IL1RAP: variants seen among roughly 807,000 people sequenced by gnomAD.
IL1RAP encodes the protein interleukin-1 receptor accessory protein.
A neutral mutation model predicts 60.7 loss-of-function variants in IL1RAP; 35 were observed. The ratio of observed to expected loss-of-function variants is 0.58; its 90% CI spans 0.44 to 0.76. IL1RAP has a LOEUF of 0.76. Among genes scored for constraint, IL1RAP ranks in the 30% least tolerant of loss-of-function variants. The pLI is 0.00. For missense variants in IL1RAP, 572 were observed against 693.9 expected, an observed-to-expected ratio of 0.82 and a Z score of 1.97; for synonymous variants, 268 against 250.9, an observed-to-expected ratio of 1.07 and a Z score of -0.64.
At chr3:190,532,261 C>CTTTTTT (rs370264409) in intron 1 of IL1RAP, among the ~76,000 whole-genome samples, 3 of 128,282 alleles carry the variant, frequency 2.3e-5, no homozygotes, top group Non-Finnish European at 3.3e-5. Context: ...AATCATCTTT[C>CTTTTTT]TTTTTTTTTT....
chr3:190,608,987 T>C lies in IL1RAP; in HGVS notation c.351-8T>C, dbSNP rs1730595382. Reference sequence around the variant, plus strand: ...TACTACCCATTCATTGTATATTTCTTTTTTCAGGAACACTACATATTGCAG... The same window carrying C: ...TACTACCCATTCATTGTATATTTCTCTTTTCAGGAACACTACATATTGCAG... On this transcript the variant is annotated splice_polypyrimidine_tract_variant and splice_region_variant and intron_variant, in intron 4 of 11. Transcript: ENST00000447382. 6.2e-7 allele frequency: 1 copy of C among 1,609,152 alleles called. No individual in the cohort carries two copies. Among genetic ancestry groups the C allele is most frequent in the Middle Eastern group, 1.7e-4 (1 of 6,030 alleles).
rs573125478 is a variant in IL1RAP, at chr3:190,530,965, T to A, written c.-89+16746T>A. ...CAAGTGGCCACTTAGCCCCGATGATTCAAGAGCTCATTGGTGTTCTATATA... is the reference window on the plus strand; with the variant it reads ...CAAGTGGCCACTTAGCCCCGATGATACAAGAGCTCATTGGTGTTCTATATA... On this transcript the variant is annotated intron_variant, in intron 1 of 11. Coordinates refer to ENST00000447382, the MANE Select transcript of IL1RAP (RefSeq NM_002182.4). Among the ~76,000 whole-genome samples the A allele has an allele frequency of 1.7e-3, 259 of 152,340 alleles. 2 individuals carry two copies. Among genetic ancestry groups the A allele is most frequent in the African/African-American group, 5.8e-3 (240 of 41,570 alleles).
At chr3:190,540,647 A>G in intron 1 of IL1RAP, among the ~76,000 whole-genome samples, 1 of 151,636 alleles carries the variant, frequency 6.6e-6, no homozygotes, top group African/African-American at 2.4e-5. Context: ...TTTTTTTAAT[A>G]TTACTTTAGT....
At chr3:190,560,260 A>G (rs1725771681) in intron 2 of IL1RAP, among the ~76,000 whole-genome samples, 1 of 152,244 alleles carries the variant, frequency 6.6e-6, no homozygotes, top group South Asian at 2.1e-4. Flanking sequence ...GACTCAAGGA[A>G]GTGATTTGAC....
intron 1 of IL1RAP, among the ~76,000 whole-genome samples, chr3:190,548,165 T>C (rs530011720): frequency 3.7e-4 from 57 of 152,344 alleles, no homozygotes; most frequent in African/African-American, 1.4e-4. Context: ...TGGATCTTGA[T>C]GGCTGTCACA....
At chr3:190,622,641 A>G (rs1386470413) in intron 6 of IL1RAP, among the ~76,000 whole-genome samples, 3 of 152,184 alleles carry the variant, frequency 2.0e-5, no homozygotes, top group Non-Finnish European at 4.4e-5. Flanking sequence ...CTTTGTTATT[A>G]TAGAAAATAT....
In IL1RAP at chr3:190,649,891, G is replaced by T. The variant is rs1028420087; in HGVS notation, c.*1186G>T. 1.0e-6 allele frequency: 1 copy of T among 982,720 alleles called. No individual in the cohort carries two copies. Among genetic ancestry groups the T allele is most frequent in the Non-Finnish European group, 1.2e-6 (1 of 827,574 alleles). 60.9% of individuals were successfully genotyped at this position (982,720 alleles called of 1,614,324 possible). ...GTTTTTAAGACTTGGAAAACTAAGT[G>T]CAGAGTTTACAGAGTGGTAAATATC... is the stretch of plus-strand genomic sequence containing the variant. On this transcript the variant is annotated 3_prime_UTR_variant, in exon 12 of 12. Coordinates refer to ENST00000447382, the MANE Select transcript of IL1RAP (RefSeq NM_002182.4).
At chr3:190,642,916 C>A (rs1490989602) in intron 9 of IL1RAP, among the ~76,000 whole-genome samples, 1 of 152,134 alleles carries the variant, frequency 6.6e-6, no homozygotes, top group Non-Finnish European at 1.5e-5. Flanking sequence ...CTCCTTCAAA[C>A]ACTTAAACTT....
intron 1 of IL1RAP, among the ~76,000 whole-genome samples, chr3:190,529,686 GAAA>G (rs58490702): frequency 9.8e-6 from 1 of 101,992 alleles, no homozygotes; most frequent in South Asian, 3.6e-4. Context: ...TGTCTCAAAA[GAAA>G]AAAAAAAAAA....
intron 1 of IL1RAP, among the ~76,000 whole-genome samples, chr3:190,548,210 T>C (rs1000730723): frequency 6.6e-6 from 1 of 152,136 alleles, no homozygotes; most frequent in Non-Finnish European, 1.5e-5. Context: ...ACCAACCTTT[T>C]GAGAATATTC....
chr3:190,633,405 G>T (rs1232438884), intron 9 of IL1RAP, among the ~76,000 whole-genome samples: 1 of 152,164 alleles, frequency 6.6e-6, no homozygotes, highest in African/African-American at 2.4e-5. Flanking sequence ...CACTTAGGCT[G>T]CAGTGCAGTG....
At chr3:190,581,500 T>C (rs1232219331) in intron 3 of IL1RAP, among the ~76,000 whole-genome samples, 1 of 152,204 alleles carries the variant, frequency 6.6e-6, no homozygotes, top group Non-Finnish European at 1.5e-5. Context: ...CCGACAAGAA[T>C]CCGTATTTCC....
intron 6 of IL1RAP, among the ~76,000 whole-genome samples, 153 bp from the exon 7 acceptor site, chr3:190,623,191 G>A (rs1243820362): frequency 6.6e-6 from 1 of 152,188 alleles, no homozygotes; most frequent in Non-Finnish European, 1.5e-5. Context: ...AATGACTGAA[G>A]TGCAGTAATT....
chr3:190,527,826 T>TACACACACACACAC (rs10602405), intron 1 of IL1RAP, among the ~76,000 whole-genome samples: 2 of 139,694 alleles, frequency 1.4e-5, no homozygotes, highest in African/African-American at 2.7e-5. Flanking sequence ...AGGAAAGGTC[T>TACACACACACACAC]ACACACACAC....
At chr3:190,588,528 C>T (rs193043889) in intron 3 of IL1RAP, among the ~76,000 whole-genome samples, 1 of 152,130 alleles carries the variant, frequency 6.6e-6, no homozygotes, top group African/African-American at 2.4e-5. Context: ...ACAGTGTTGT[C>T]CTGGAATATA....
intron 4 of IL1RAP, among the ~76,000 whole-genome samples, chr3:190,604,759 A>C (rs779267398): frequency 6.0e-4 from 91 of 152,134 alleles, no homozygotes; most frequent in Non-Finnish European, 1.8e-4. Flanking sequence ...AACAGGGCAG[A>C]GAATAGAGCC....
chr3:190,611,881 G>A (rs1164501098), intron 5 of IL1RAP, among the ~76,000 whole-genome samples: 1 of 152,058 alleles, frequency 6.6e-6, no homozygotes, highest in Non-Finnish European at 1.5e-5. Flanking sequence ...TGATTTAAGA[G>A]ATTTAACCAC....
rs920501089 is a variant in IL1RAP at position 190,572,938 on chromosome 3, A to C, written c.64+8585A>C. Among the ~76,000 whole-genome samples the C allele has an allele frequency of 9.0e-5, 8 of 89,336 alleles. 3 individuals carry two copies. The highest frequency in any genetic ancestry group is 2.2e-4 in the African/African-American group (5 of 22,500). The allele number at this position is 89,336 out of a possible 152,430, so 58.6% of individuals were successfully genotyped here. A position where few individuals can be genotyped will look rare whatever the true frequency, so the allele number is the denominator to read the frequency against. On this transcript the variant is annotated intron_variant, in intron 3 of 11. Coordinates refer to ENST00000447382, the MANE Select transcript of IL1RAP (RefSeq NM_002182.4). ...GAGTGCAGTGGCGGGATCTCGGCTC[A>C]CTGCAAGCTCCGCCTCCCGGGTTCA...
chr3:190,626,539 C>G (rs1442312616), intron 7 of IL1RAP, among the ~76,000 whole-genome samples: 1 of 152,126 alleles, frequency 6.6e-6, no homozygotes, highest in Non-Finnish European at 1.5e-5. Flanking sequence ...TGGTATTTCC[C>G]CATCTTTCCT....
Sources: allele counts gnomAD v4.1 joint callset (sites outside exome capture counted in the v4.1 genomes callset), GRCh38; gene constraint gnomAD v4.1.1; transcripts MANE v1.5; gene names NCBI Gene and HGNC (gene_info 2026-07-23, HGNC 2026-07-21).